TSPAN14: variants seen among roughly 807,000 people sequenced by gnomAD.
The protein encoded by TSPAN14 is tetraspanin 14, also known as tetraspanin-14.
A neutral mutation model predicts 36.6 loss-of-function variants in TSPAN14; 16 were observed. The ratio of observed to expected loss-of-function variants is 0.44; its 90% confidence interval spans 0.30 to 0.66. The LOEUF (loss-of-function observed/expected upper bound fraction) is 0.66, where lower values mean the gene tolerates loss of function less well. Ranked by LOEUF, TSPAN14 falls within the 30% of genes least tolerant of loss-of-function variation. TSPAN14 has a pLI of 0.12. For missense variants in TSPAN14, 231 were observed against 355.1 expected (o/e 0.65, Z 2.81); for synonymous variants, 139 against 143.8 (o/e 0.97, Z 0.24).
At chr10:80,490,680 G>T (rs527364339) in intron 2 of TSPAN14, among the ~76,000 whole-genome samples, 3 of 152,274 alleles carry the variant, frequency 2.0e-5, no homozygotes, top group Admixed American at 1.3e-4. Context: ...CCAATGAGAA[G>T]TAAAGAAGTG....
exon 4 of TSPAN14, chr10:80,507,258 C>T (rs199827719): frequency 6.2e-7 from 1 of 1,614,190 alleles, no homozygotes. Context: ...CAAAGTGACC[C>T]GGATGCATGG....
chr10:80,487,869 T>A (rs1312776591), intron 1 of TSPAN14, among the ~76,000 whole-genome samples: 1 of 152,134 alleles, frequency 6.6e-6, no homozygotes, highest in Non-Finnish European at 1.5e-5. Context: ...GCCCGTCAAT[T>A]CCACACCGTG....
intron 1 of TSPAN14, among the ~76,000 whole-genome samples, chr10:80,482,623 G>T (rs1203102889): frequency 6.6e-6 from 1 of 151,132 alleles, no homozygotes; most frequent in Non-Finnish European, 1.5e-5. Context: ...ATGTGAGTGT[G>T]CGTGTGCACT....
At chr10:80,472,790 GTTA>G (rs1332015125) in intron 1 of TSPAN14, among the ~76,000 whole-genome samples, 2 of 152,154 alleles carry the variant, frequency 1.3e-5, no homozygotes, top group Non-Finnish European at 2.9e-5. Context: ...AAAATCCGTT[GTTA>G]TTATTGTTTA....
chr10:80,518,038 C>A, exon 9 of TSPAN14: 1 of 1,516,132 alleles, frequency 6.6e-7, no homozygotes, highest in Non-Finnish European at 9.0e-7. Flanking sequence ...TCTCTGCCAT[C>A]AGCCCTACGT....
At chr10:80,493,684 G>A (rs892089987) in intron 2 of TSPAN14, among the ~76,000 whole-genome samples, 1 of 152,234 alleles carries the variant, frequency 6.6e-6, no homozygotes, top group African/African-American at 2.4e-5. Context: ...CTTATATGAG[G>A]TGCCCACAGT....
chr10:80,459,959 C>T (rs569160979), intron 1 of TSPAN14, among the ~76,000 whole-genome samples: 43 of 152,108 alleles, frequency 2.8e-4, no homozygotes, highest in Non-Finnish European at 5.4e-4. Flanking sequence ...TCAGCCACAG[C>T]CCCAGACCAA....
At chr10:80,480,890 C>T (rs931549634) in intron 1 of TSPAN14, among the ~76,000 whole-genome samples, 20 of 152,036 alleles carry the variant, frequency 1.3e-4, no homozygotes, top group African/African-American at 4.3e-4. Flanking sequence ...CGTAACTAAC[C>T]TGCACATTGT....
chr10:80,516,303 A>T (rs1343984385), exon 8 of TSPAN14: 14 of 1,614,148 alleles, frequency 8.7e-6, no homozygotes, highest in Non-Finnish European at 1.2e-5. Flanking sequence ...TGGCGTCTTC[A>T]TCGCCATCTC....
At chr10:80,474,661 A>G (rs1589249167) in intron 1 of TSPAN14, among the ~76,000 whole-genome samples, 1 of 152,168 alleles carries the variant, frequency 6.6e-6, no homozygotes, top group African/African-American at 2.4e-5. Context: ...GTTGTGAGGC[A>G]TGTGATTATC....
At position 80,516,129 on chromosome 10, in the gene TSPAN14, C is replaced by G. The variant is rs41286898; in HGVS notation, c.622-75C>G. On this transcript the variant is annotated intron_variant, in intron 7 of 8. Transcript: ENST00000429989. ...CCACCCTGCTTTGCCCTGCTCCTTACCAGAGCTCACTAGGGGATCAGGTGG... is the reference window on the plus strand; with the variant it reads ...CCACCCTGCTTTGCCCTGCTCCTTAGCAGAGCTCACTAGGGGATCAGGTGG... The G allele has an allele frequency of 0.056, 89,957 of 1,606,538 alleles. 2,967 individuals are homozygous for G. The highest frequency in any genetic ancestry group is 0.068 in the Non-Finnish European group (79,428 of 1,174,384).
At chr10:80,476,433 T>G (rs1846901257) in intron 1 of TSPAN14, among the ~76,000 whole-genome samples, 3 of 85,742 alleles carry the variant, frequency 3.5e-5, no homozygotes, top group African/African-American at 4.7e-5. Flanking sequence ...TTTTTTTTTT[T>G]GAGACGGAGT....
Position 80,509,284 on chromosome 10 carries a change from G to T in TSPAN14, c.280-17G>T. 6.8e-6 allele frequency: 11 copies of T among 1,610,536 alleles called. No homozygotes were observed. The highest frequency in any genetic ancestry group is 8.5e-6 in the Non-Finnish European group (10 of 1,178,452). ...TGGTGGGGTGGTGACTTCTGCTCCCGTCCCCTTCCCCTGCAGTTCTGTGGC... is the reference window on the plus strand; with the variant it reads ...TGGTGGGGTGGTGACTTCTGCTCCCTTCCCCTTCCCCTGCAGTTCTGTGGC... On this transcript the variant is annotated splice_polypyrimidine_tract_variant and intron_variant, in intron 4 of 8. Transcript: ENST00000429989. This position sits in a 1 kb window ranked among gnomAD's most constrained non-coding sequence, Gnocchi z 4.7.
rs189943581 is a variant in TSPAN14, at chr10:80,489,376, T to C, written c.81+62T>C. 1.4e-4 allele frequency: 161 copies of C among 1,169,548 alleles called. 1 individual carries two copies. In the East Asian group the frequency reaches 3.9e-3, roughly 28 times the overall value. 72.4% of individuals were successfully genotyped at this position (1,169,548 alleles called of 1,614,324 possible). ...TCCTTCATTCAGTAAATTATGGTTT[T>C]CCACACACTCTTGATTTGCCAGACA... On this transcript the variant is annotated intron_variant, in intron 2 of 8. Transcript: ENST00000429989.
intron 2 of TSPAN14, among the ~76,000 whole-genome samples, chr10:80,493,261 G>A (rs1347166592): frequency 6.6e-6 from 1 of 152,224 alleles, no homozygotes; most frequent in Non-Finnish European, 1.5e-5. Flanking sequence ...AATAACCGAT[G>A]TTGATGAGGA....
At position 80,507,087 on chromosome 10, in the gene TSPAN14, C is replaced by G. The variant is rs904929678; in HGVS notation, c.133-141C>G. On this transcript the variant is annotated intron_variant, in intron 3 of 8. Coordinates refer to ENST00000429989, the Ensembl canonical transcript of TSPAN14. ...GGGCCCCTAAGGGCATGGATGGGGCCGGACTCTGGCCTGGCTGTCAACAAG... is the reference window on the plus strand; with the variant it reads ...GGGCCCCTAAGGGCATGGATGGGGCGGGACTCTGGCCTGGCTGTCAACAAG... 4.4e-6 allele frequency: 5 copies of G among 1,127,926 alleles called. No individual in the cohort carries two copies. In the African/African-American group the frequency reaches 6.2e-5, roughly 14 times the overall value. The allele number at this position is 1,127,926 out of a possible 1,614,324, so 69.9% of individuals were successfully genotyped here.
intron 1 of TSPAN14, among the ~76,000 whole-genome samples, chr10:80,454,601 G>T (rs1310159256): frequency 6.6e-6 from 1 of 151,888 alleles, no homozygotes; most frequent in African/African-American, 2.4e-5. Context: ...CCGCTGAGCC[G>T]AACTCCGGCG....
At position 80,486,992 on chromosome 10, in the gene TSPAN14, C is replaced by T. The variant is rs578193673; in HGVS notation, c.-17-2225C>T. On this transcript the variant is annotated intron_variant, in intron 1 of 8. Coordinates refer to ENST00000429989, the Ensembl canonical transcript of TSPAN14. ...ATCTCAGCAATTTGGGAGGCCCTGG[C>T]AGGAGGATTGCTTAAGGCCAGGAGT... Among the ~76,000 whole-genome samples the T allele has an allele frequency of 9.8e-4, 149 of 152,168 alleles. 2 individuals are homozygous for T. The highest frequency in any genetic ancestry group is 9.5e-3 in the Admixed American group (146 of 15,294).
intron 2 of TSPAN14, among the ~76,000 whole-genome samples, chr10:80,496,602 C>T (rs916865691): frequency 6.6e-6 from 1 of 152,192 alleles, no homozygotes; most frequent in Non-Finnish European, 1.5e-5. Context: ...TTCCCTGTCC[C>T]ATTTCCCTAG....
Sources: gnomAD v4.1 joint callset for allele counts (sites outside exome capture counted in the v4.1 genomes callset) on GRCh38, gnomAD v4.1.1 for gene constraint, Gnocchi (gnomAD v3.1) non-coding constraint, MANE v1.5 for transcripts, NCBI Gene and HGNC (gene_info 2026-07-23, HGNC 2026-07-21) for gene names.